TOX4: variants seen among roughly 807,000 people sequenced by gnomAD.
TOX4 encodes epidermal Langerhans cell protein LCP1.
TOX4 carries 12 observed loss-of-function variants against 61.0 expected under a neutral mutation model. The observed-to-expected ratio is 0.20, with a 90% CI of 0.13 to 0.32. TOX4 has a LOEUF of 0.32. Ranked by LOEUF, TOX4 falls within the 10% of genes least tolerant of loss-of-function variation. The pLI is 1.00. For synonymous variants in TOX4, 268 were observed against 274.8 expected, an observed-to-expected ratio of 0.98 and a Z score of 0.24; for missense variants, 499 against 753.3, an observed-to-expected ratio of 0.66 and a Z score of 3.95.
rs17854735 is a variant in TOX4, at chr14:21,498,298, C to T, written c.*1692C>T. Reference sequence around the variant, plus strand: ...TTTAGAGATGATACCATCTGGGTACCTTTGCTTGAACCGTGCAACCACATC... The same window carrying T: ...TTTAGAGATGATACCATCTGGGTACTTTTGCTTGAACCGTGCAACCACATC... On this transcript the variant is annotated 3_prime_UTR_variant, in exon 9 of 9. Transcript: ENST00000448790. The T allele has an allele frequency of 1.2e-6, 2 of 1,613,784 alleles. No homozygotes were observed. The highest frequency in any genetic ancestry group is 1.7e-6 in the Non-Finnish European group (2 of 1,179,676).
intron 2 of TOX4, chr14:21,482,530 T>C: frequency 2.2e-6 from 1 of 460,826 alleles, no homozygotes; most frequent in Non-Finnish European, 4.5e-6. Context: ...TCTTTGCTTA[T>C]AAACTGTAAT....
At chr14:21,482,415 TATA>T in intron 2 of TOX4, 1 of 346,124 alleles carries the variant, frequency 2.9e-6, no homozygotes, top group South Asian at 2.4e-5. Context: ...GAATGATCTA[TATA>T]ATAAGCTAAA....
chr14:21,477,368 G>T, intron 1 of TOX4, 84 bp downstream of exon 1: 1 of 1,613,086 alleles, frequency 6.2e-7, no homozygotes, highest in South Asian at 1.1e-5. Context: ...GCGGAGAGGC[G>T]ACTGACGGGA....
chr14:21,494,126 A>G (rs1318026319), intron 7 of TOX4, among the ~76,000 whole-genome samples: 3 of 152,150 alleles, frequency 2.0e-5, no homozygotes, highest in African/African-American at 4.8e-5. Flanking sequence ...CACTAGTTCA[A>G]CTGGACAGGA....
At chr14:21,489,145 G>A in intron 4 of TOX4, 28 bp from the exon 5 acceptor site, 1 of 1,604,136 alleles carries the variant, frequency 6.2e-7, no homozygotes, top group Non-Finnish European at 8.5e-7. Context: ...TGTCCATTGT[G>A]TAATTCTCTC....
chr14:21,484,057 C>T (rs1891154968), intron 2 of TOX4, among the ~76,000 whole-genome samples: 1 of 152,108 alleles, frequency 6.6e-6, no homozygotes, highest in Non-Finnish European at 1.5e-5. Context: ...GATCCACCCA[C>T]CTTGGCTTCC....
At chr14:21,480,339 C>T (rs1891086862) in intron 2 of TOX4, among the ~76,000 whole-genome samples, 1 of 152,132 alleles carries the variant, frequency 6.6e-6, no homozygotes, top group African/African-American at 2.4e-5. Flanking sequence ...GTTTTAGGCT[C>T]AATTTCAGTA....
chr14:21,477,683 G>A, intron 2 of TOX4, 119 bp downstream of exon 2: 1 of 1,149,620 alleles, frequency 8.7e-7, no homozygotes, highest in East Asian at 2.4e-5. Context: ...CGCAATTGGT[G>A]TTTAGAGAAA....
Position 21,497,117 on chromosome 14 carries a change from T to A in TOX4, c.*511T>A, listed in dbSNP as rs1332386255. 6.5e-6 allele frequency: 1 copy of A among 153,712 alleles called. No individual in the cohort carries two copies. The highest frequency in any genetic ancestry group is 1.4e-5 in the Non-Finnish European group (1 of 69,026). The allele number at this position is 153,712 out of a possible 1,614,324, so 9.5% of individuals were successfully genotyped here. On this transcript the variant is annotated 3_prime_UTR_variant, in exon 9 of 9. Transcript: ENST00000448790. ...ATACTGGGCTACATGGAAAATGACATCACCCAGGAGTGATTTCTCTTTATA... is the reference window on the plus strand; with the variant it reads ...ATACTGGGCTACATGGAAAATGACAACACCCAGGAGTGATTTCTCTTTATA...
intron 3 of TOX4, 53 bp from the exon 4 acceptor site, chr14:21,488,537 A>C: frequency 3.5e-6 from 4 of 1,144,652 alleles, no homozygotes; most frequent in Non-Finnish European, 4.8e-6. Context: ...TTTAGGGGGG[A>C]AAAGTGGTTT....
intron 5 of TOX4, chr14:21,492,025 A>AAAAATAAAATAAATGTAGC (rs936353352): frequency 3.9e-6 from 1 of 256,102 alleles, no homozygotes; most frequent in Non-Finnish European, 7.5e-6. Context: ...AAAATTTAAA[A>AAAAATAAAATAAATGTAGC]AAAATAAAAT....
chr14:21,477,819 G>C (rs193050696), intron 2 of TOX4, among the ~76,000 whole-genome samples: 4 of 152,352 alleles, frequency 2.6e-5, no homozygotes, highest in Non-Finnish European at 5.9e-5. Context: ...TGGATTAGAA[G>C]ACAGAGTGGA....
In TOX4 at chr14:21,492,762, T is replaced by C. The variant is rs774992833; in HGVS notation, c.1146T>C (p.Ser382=). Residue 382 remains serine, a synonymous_variant, in exon 7 of 9, where the codon TCT becomes TCC. Coordinates refer to ENST00000448790, the MANE Select transcript of TOX4 (RefSeq NM_014828.4). The part of the protein sequence containing the change: ...KQMLPSSITM[S]QGGMVTVIPA... ...TGTTGCCCTCTTCTATTACTATGTC[T>C]CAAGGAGGGATGGTTACTGTTATCC... is the stretch of plus-strand genomic sequence containing the variant. 1 of 1,614,116 alleles carries C rather than the reference T, an allele frequency of 6.2e-7. No homozygotes were observed. Among genetic ancestry groups the C allele is most frequent in the East Asian group, 2.2e-5 (1 of 44,876 alleles).
chr14:21,482,584 A>G (rs1295392418), intron 2 of TOX4: 1 of 470,276 alleles, frequency 2.1e-6, no homozygotes, highest in East Asian at 7.0e-5. Flanking sequence ...GAATTGAACA[A>G]AGGAGGAAAG....
intron 5 of TOX4, among the ~76,000 whole-genome samples, chr14:21,490,608 A>C (rs774119526): frequency 2.0e-5 from 3 of 152,196 alleles, no homozygotes; most frequent in Non-Finnish European, 4.4e-5. Context: ...TTAAGTGGTA[A>C]AGTTGAGACA....
At chr14:21,490,179 A>AAAT (rs1284779293) in intron 5 of TOX4, among the ~76,000 whole-genome samples, 6 of 151,522 alleles carry the variant, frequency 4.0e-5, no homozygotes, top group Non-Finnish European at 8.8e-5. Context: ...TCAAATAAAT[A>AAAT]AATAATAATT....
rs750260383 is a variant in TOX4, at chr14:21,496,712, ATGATGGCTGTTCATGTT to A, written c.*108_*124del. On this transcript the variant is annotated 3_prime_UTR_variant, in exon 9 of 9. Transcript: ENST00000448790. ...TTCTGGTAGTGCCTCATCACAACCC[ATGATGGCTGTTCATGTT>A]TCACCCCTTTTCTTCCTTCAGCAGA... The A allele has an allele frequency of 1.2e-5, 11 of 939,652 alleles. No individual in the cohort carries two copies. Among genetic ancestry groups the A allele is most frequent in the Non-Finnish European group, 1.9e-5 (11 of 594,588 alleles). 58.2% of individuals were successfully genotyped at this position (939,652 alleles called of 1,614,324 possible).
intron 2 of TOX4, among the ~76,000 whole-genome samples, chr14:21,478,363 G>A (rs1344870767): frequency 6.6e-6 from 1 of 152,222 alleles, no homozygotes; most frequent in African/African-American, 2.4e-5. Context: ...TAGGACATGT[G>A]TTTCAATTTG....
At position 21,493,178 on chromosome 14, in the gene TOX4, A is replaced by T; in HGVS notation, c.1562A>T (p.Asn521Ile). ...GAAAGTAGTCCTGAGCGGCCTATGA[A>T]CAACAGCCCTGAGGCCCATACAGTG... ...TVESSPERPM[N>I]NSPEAHTVEA... The change falls in exon 7 of 9, where the codon AAC becomes ATC. Residue 521 changes from asparagine to isoleucine, a missense_variant. Physicochemically the swap from Asn to Ile is moderately radical, Grantham distance 149. Around this residue, in one of 7 missense-constraint regions of TOX4, gnomAD observed 296 missense variants for 404.7 expected, o/e 0.73. Coordinates refer to ENST00000448790, the MANE Select transcript of TOX4 (RefSeq NM_014828.4). 1 of 1,614,154 alleles carries T rather than the reference A, an allele frequency of 6.2e-7. No individual in the cohort carries two copies. Among genetic ancestry groups the T allele is most frequent in the Non-Finnish European group, 8.5e-7 (1 of 1,180,010 alleles).
Sources: gnomAD v4.1 joint callset for allele counts (sites outside exome capture counted in the v4.1 genomes callset) on GRCh38, gnomAD v4.1.1 for gene constraint, gnomAD v4.1.1 regional missense constraint, MANE v1.5 for transcripts, NCBI Gene and HGNC (gene_info 2026-07-23, HGNC 2026-07-21) for gene names.